FCHO2: variants seen among roughly 807,000 people sequenced by gnomAD.
FCHO2 encodes FCH and mu domain containing endocytic adaptor 2.
FCHO2 carries 43 observed loss-of-function variants against 114.1 expected under a neutral mutation model. That is an observed-to-expected ratio of 0.38 (90% CI 0.30 to 0.49). The LOEUF is 0.49. Ranked by LOEUF, FCHO2 falls within the 20% of genes least tolerant of loss-of-function variation. The probability of loss-of-function intolerance (pLI) is 0.97; values close to 1 mark genes in which losing one functional copy is unlikely to be tolerated. For missense variants in FCHO2, 807 were observed against 950.4 expected (o/e 0.85, Z 1.98); for synonymous variants, 293 against 315.2 (o/e 0.93, Z 0.75).
At chr5:73,064,131 G>A (rs1214786225) in intron 18 of FCHO2, among the ~76,000 whole-genome samples, 187 bp downstream of exon 18, 2 of 152,030 alleles carry the variant, frequency 1.3e-5, no homozygotes, top group Non-Finnish European at 2.9e-5. Flanking sequence ...ATACCTGTGA[G>A]ACACGACATT....
At chr5:73,054,574 AT>A in intron 15 of FCHO2, 25 bp downstream of exon 15, 1 of 1,505,442 alleles carries the variant, frequency 6.6e-7, no homozygotes, top group Non-Finnish European at 9.0e-7. Flanking sequence ...TGAATTGTTT[AT>A]TTTATGTCTA....
Position 73,090,359 on chromosome 5 carries a change from C to CT in FCHO2, c.*2270dup, listed in dbSNP as rs1179610160. ...TAACCAAGAATTTGTAAACACAACT[C>CT]TAATAAATGTGAGTTTTAAAGGATT... On this transcript the variant is annotated 3_prime_UTR_variant, in exon 26 of 26. Coordinates refer to ENST00000430046, the MANE Select transcript of FCHO2 (RefSeq NM_138782.3). The CT allele has an allele frequency of 6.6e-6, 1 of 152,534 alleles. No homozygotes were observed. Among genetic ancestry groups the CT allele is most frequent in the East Asian group, 1.9e-4 (1 of 5,184 alleles). 9.4% of individuals were successfully genotyped at this position (152,534 alleles called of 1,614,324 possible).
At chr5:73,020,709 T>A in intron 8 of FCHO2, 1 of 1,208,902 alleles carries the variant, frequency 8.3e-7, no homozygotes, top group Non-Finnish European at 1.2e-6. Context: ...AGTGAAGAAA[T>A]TGGATGCTCA....
chr5:73,057,374 C>G (rs1395428117), intron 16 of FCHO2, among the ~76,000 whole-genome samples: 1 of 152,082 alleles, frequency 6.6e-6, no homozygotes, highest in Non-Finnish European at 1.5e-5. Context: ...TGTTTTAAAA[C>G]TGTTTTTAGG....
chr5:73,050,388 G>A (rs866305551), intron 11 of FCHO2, among the ~76,000 whole-genome samples: 5 of 151,420 alleles, frequency 3.3e-5, no homozygotes, highest in South Asian at 2.1e-4. Context: ...GCGTGATCTC[G>A]GCTGACTGCA....
At chr5:73,051,541 T>C (rs1294132679) in intron 12 of FCHO2, 135 bp downstream of exon 12, 1 of 598,958 alleles carries the variant, frequency 1.7e-6, no homozygotes, top group Non-Finnish European at 2.7e-6. Flanking sequence ...TCATTTGACA[T>C]GTTTTTTGTT....
chr5:73,065,325 C>A (rs1323094139), intron 18 of FCHO2, among the ~76,000 whole-genome samples: 1 of 151,444 alleles, frequency 6.6e-6, no homozygotes, highest in Non-Finnish European at 1.5e-5. Context: ...AGTAAATGAT[C>A]GTGTTATAAA....
At chr5:73,060,496 T>C (rs1482262903) in intron 17 of FCHO2, among the ~76,000 whole-genome samples, 1 of 152,078 alleles carries the variant, frequency 6.6e-6, no homozygotes, top group East Asian at 1.9e-4. Context: ...ATCTTAAATT[T>C]TTATTTCACT....
intron 9 of FCHO2, among the ~76,000 whole-genome samples, chr5:73,035,551 G>A (rs1312237804): frequency 6.6e-6 from 1 of 152,106 alleles, no homozygotes; most frequent in African/African-American, 2.4e-5. Flanking sequence ...TTCCCAGGCT[G>A]GAATACAGTG....
chr5:72,985,956 A>G (rs1251795451), intron 2 of FCHO2, among the ~76,000 whole-genome samples: 2 of 151,932 alleles, frequency 1.3e-5, no homozygotes, highest in Non-Finnish European at 2.9e-5. Context: ...TATTTTCTCT[A>G]ACTCATTCTT....
At chr5:73,039,500 A>G (rs12186995) in intron 10 of FCHO2, among the ~76,000 whole-genome samples, 45,325 of 151,638 alleles carry the variant, frequency 0.3, 6,984 homozygotes, top group East Asian at 0.44. Flanking sequence ...GGATTGGGTT[A>G]TTATTATTAT....
At chr5:73,080,756 G>A (rs2112893093) in intron 22 of FCHO2, among the ~76,000 whole-genome samples, 1 of 152,234 alleles carries the variant, frequency 6.6e-6, no homozygotes, top group African/African-American at 2.4e-5. Flanking sequence ...TTATTCAACA[G>A]ATGTGTATTA....
In FCHO2 at chr5:73,033,227, G is replaced by A. The variant is rs147332732; in HGVS notation, c.797-1430G>A. On this transcript the variant is annotated intron_variant, in intron 8 of 25. Coordinates refer to ENST00000430046, the MANE Select transcript of FCHO2 (RefSeq NM_138782.3). ...GTGATAAACATTTTTTTTAGTCCTT[G>A]TTCATATTTAGAAGAATGTATTAGT... Among the ~76,000 whole-genome samples the A allele has an allele frequency of 4.1e-3, 627 of 151,960 alleles. 5 individuals carry two copies. Among genetic ancestry groups the A allele is most frequent in the African/African-American group, 0.014 (578 of 41,472 alleles).
Position 73,015,720 on chromosome 5 carries a change from G to T in FCHO2, c.695G>T (p.Gly232Val), listed in dbSNP as rs1375915968. 2 of 1,559,340 alleles carry T rather than the reference G, an allele frequency of 1.3e-6. No individual in the cohort carries two copies. The highest frequency in any genetic ancestry group is 8.6e-7 in the Non-Finnish European group (1 of 1,160,048). The part of the protein sequence containing the change: ...NAIKEIHLQI[G>V]QVHEEFINNM... ...ATAAAGGAAATTCATTTGCAGATAG[G>T]CCAGGTAAGTTTTTTTACTTTATGT... is the stretch of plus-strand genomic sequence containing the variant. Residue 232 changes from glycine (G) to valine (V), a missense_variant, in exon 7 of 26, where the codon GGC (glycine) becomes GTC (valine). Physicochemically the swap from Gly to Val is moderately radical, Grantham distance 109. Coordinates refer to ENST00000430046, the MANE Select transcript of FCHO2 (RefSeq NM_138782.3).
intron 5 of FCHO2, chr5:72,997,121 A>G (rs1754161304): frequency 1.7e-6 from 2 of 1,142,878 alleles, no homozygotes; most frequent in Non-Finnish European, 2.7e-6. Flanking sequence ...TCCGGATGAG[A>G]TACTTATTCA....
At chr5:72,997,620 A>G (rs553416647) in intron 5 of FCHO2, 68 of 1,430,780 alleles carry the variant, frequency 4.8e-5, no homozygotes, top group Middle Eastern at 1.9e-4. Flanking sequence ...CTGAGCCGCA[A>G]CCTTCACCAG....
intron 17 of FCHO2, among the ~76,000 whole-genome samples, 195 bp from the exon 18 acceptor site, chr5:73,063,646 A>G (rs781607591): frequency 4.6e-5 from 7 of 152,058 alleles, no homozygotes; most frequent in Non-Finnish European, 4.4e-5. Context: ...TTTTTCAGGA[A>G]TATTACTGGT....
At chr5:72,958,815 A>C (rs550046157) in intron 1 of FCHO2, among the ~76,000 whole-genome samples, 1 of 152,254 alleles carries the variant, frequency 6.6e-6, no homozygotes, top group Non-Finnish European at 1.5e-5. Flanking sequence ...TTTTTGATGC[A>C]TGAATGTTTT....
intron 5 of FCHO2, among the ~76,000 whole-genome samples, chr5:73,005,142 T>C (rs1322971264): frequency 6.6e-6 from 1 of 152,186 alleles, no homozygotes; most frequent in Non-Finnish European, 1.5e-5. Flanking sequence ...CTTAATATAG[T>C]ATAAACAATT....
Sources: allele counts gnomAD v4.1 joint callset (sites outside exome capture counted in the v4.1 genomes callset), GRCh38; gene constraint gnomAD v4.1.1; transcripts MANE v1.5; gene names NCBI Gene and HGNC (gene_info 2026-07-23, HGNC 2026-07-21).